The following PLEKHM3 variants were observed in gnomAD, a reference collection of about 807,000 sequenced individuals.
PLEKHM3 encodes pleckstrin homology domain-containing family M member 3.
PLEKHM3 carries 45 observed loss-of-function variants against 81.8 expected under a neutral mutation model. The observed-to-expected ratio is 0.55, with a 90% CI of 0.43 to 0.71. PLEKHM3 has a LOEUF of 0.71. PLEKHM3 is among the 30% of genes least tolerant of loss of function. PLEKHM3 has a pLI of 0.00. For missense variants in PLEKHM3, 788 were observed against 924.3 expected (o/e 0.85, Z 1.91); for synonymous variants, 352 against 356.4 (o/e 0.99, Z 0.14).
chr2:208,001,400 G>T lies in PLEKHM3; in HGVS notation c.240C>A (p.Leu80=), dbSNP rs1559278181. The stretch of plus-strand genomic sequence containing the variant: ...AGACATTTTGAGCTTTGGTTTCTAA[G>T]AGCCTGCTCTTACAGTGGTCCCAAA... ...GMIWDHCKSR[L]LETKAQNVFP... Residue 80 remains leucine, a synonymous_variant, in exon 2 of 8, where the codon CTC becomes CTA. Transcript: ENST00000427836. 2 of 1,614,048 alleles carry T rather than the reference G, an allele frequency of 1.2e-6. No homozygotes were observed.
intron 6 of PLEKHM3, among the ~76,000 whole-genome samples, chr2:207,903,643 G>T (rs2621470): frequency 0.28 from 42,695 of 152,056 alleles, 6,409 homozygotes; most frequent in Middle Eastern, 0.38. Context: ...ACAGTCCAAA[G>T]ACTGACATAT....
At chr2:207,889,100 G>GT (rs1349541976) in intron 6 of PLEKHM3, among the ~76,000 whole-genome samples, 2 of 152,124 alleles carry the variant, frequency 1.3e-5, no homozygotes, top group Non-Finnish European at 2.9e-5. Context: ...ATTTATGAAA[G>GT]TAAAAAGTAT....
intron 7 of PLEKHM3, among the ~76,000 whole-genome samples, chr2:207,852,199 A>T (rs1270964145): frequency 1.3e-5 from 2 of 152,212 alleles, no homozygotes; most frequent in African/African-American, 2.4e-5. Flanking sequence ...GCAGTAAGAT[A>T]TAATGGAAAA....
intron 3 of PLEKHM3, among the ~76,000 whole-genome samples, chr2:207,965,445 T>C (rs915444780): frequency 6.7e-6 from 1 of 149,706 alleles, no homozygotes; most frequent in Admixed American, 6.6e-5. Context: ...GGAAGGTCCA[T>C]CAAAAGATCT....
intron 2 of PLEKHM3, among the ~76,000 whole-genome samples, chr2:207,981,212 T>A (rs1691513450): frequency 6.6e-6 from 1 of 152,130 alleles, no homozygotes; most frequent in African/African-American, 2.4e-5. Flanking sequence ...GGAGTATCCA[T>A]TCCTCTCTGG....
chr2:207,875,082 T>C (rs1348118715), intron 6 of PLEKHM3, among the ~76,000 whole-genome samples: 2 of 151,818 alleles, frequency 1.3e-5, no homozygotes, highest in African/African-American at 2.4e-5. Context: ...TCTAAATATA[T>C]AAAGTAAACA....
intron 5 of PLEKHM3, among the ~76,000 whole-genome samples, chr2:207,910,672 T>C (rs1688782748): frequency 6.6e-6 from 1 of 152,036 alleles, no homozygotes; most frequent in Non-Finnish European, 1.5e-5. Flanking sequence ...ATCATGCATG[T>C]CTCTTCTGGA....
intron 3 of PLEKHM3, among the ~76,000 whole-genome samples, chr2:207,965,866 C>T (rs184557902): frequency 3.3e-5 from 5 of 152,310 alleles, no homozygotes; most frequent in Non-Finnish European, 5.9e-5. Flanking sequence ...AAGTTCTCTT[C>T]CCCAAAGGAA....
intron 3 of PLEKHM3, among the ~76,000 whole-genome samples, chr2:207,960,142 T>C (rs1690679009): frequency 6.6e-6 from 1 of 152,224 alleles, no homozygotes; most frequent in Non-Finnish European, 1.5e-5. Context: ...TAGAGTGATA[T>C]TCCTAGCTTC....
intron 5 of PLEKHM3, chr2:207,929,922 T>C (rs770263153): frequency 2.9e-6 from 2 of 699,614 alleles, no homozygotes; most frequent in South Asian, 1.5e-5. Flanking sequence ...ACATGACTAA[T>C]GCATGCTGCT....
chr2:207,953,986 GAAGT>G (rs1690423473), intron 3 of PLEKHM3, among the ~76,000 whole-genome samples: 1 of 152,246 alleles, frequency 6.6e-6, no homozygotes, highest in East Asian at 1.9e-4. Flanking sequence ...GAATCTCATA[GAAGT>G]AAGTAACTCC....
At chr2:207,858,174 G>GTGTGTGTGTATATATA (rs373920637) in intron 7 of PLEKHM3, among the ~76,000 whole-genome samples, 3 of 123,302 alleles carry the variant, frequency 2.4e-5, no homozygotes, top group African/African-American at 1.1e-4. Flanking sequence ...GTGTGTGTGT[G>GTGTGTGTGTATATATA]TATATATTTT....
At chr2:207,844,297 A>C (rs61159912) in intron 7 of PLEKHM3, among the ~76,000 whole-genome samples, 8,862 of 136,362 alleles carry the variant, frequency 0.065, 551 homozygotes, top group African/African-American at 0.17. Context: ...TCATACATTT[A>C]TTTTTCTTTT....
intron 1 of PLEKHM3, among the ~76,000 whole-genome samples, chr2:208,014,418 C>G (rs1348540720): frequency 1.3e-5 from 2 of 152,158 alleles, no homozygotes; most frequent in East Asian, 1.9e-4. Flanking sequence ...CCGAGGCGGG[C>G]AGATCACCTG....
At chr2:207,993,016 T>C (rs1412009550) in intron 2 of PLEKHM3, among the ~76,000 whole-genome samples, 1 of 152,178 alleles carries the variant, frequency 6.6e-6, no homozygotes, top group African/African-American at 2.4e-5. Context: ...GGAACTATGG[T>C]TCACTTTTGA....
intron 6 of PLEKHM3, among the ~76,000 whole-genome samples, chr2:207,881,709 T>G (rs1207429254): frequency 6.6e-6 from 1 of 152,234 alleles, no homozygotes; most frequent in Admixed American, 6.5e-5. Flanking sequence ...GCGGTATGGT[T>G]GACAGTCAAC....
chr2:207,999,932 G>A (rs1489906601), intron 2 of PLEKHM3, among the ~76,000 whole-genome samples: 1 of 152,200 alleles, frequency 6.6e-6, no homozygotes, highest in African/African-American at 2.4e-5. Context: ...TACCAAAAAT[G>A]TCTCCTAGTT....
intron 4 of PLEKHM3, among the ~76,000 whole-genome samples, chr2:207,944,498 T>C (rs1472091845): frequency 2.0e-5 from 3 of 152,218 alleles, no homozygotes; most frequent in South Asian, 2.1e-4. Flanking sequence ...GGCACGTTTA[T>C]AGGTCAGTTG....
In PLEKHM3 at chr2:207,950,091, G is replaced by T. The variant is rs115478988; in HGVS notation, c.1547-3579C>A. ...CTCCAGGCTCATAAAAGACAGAGAT[G>T]AGAGAACATGGATAGGGTCCATTCA... On this transcript the variant is annotated intron_variant, in intron 3 of 7. Coordinates refer to ENST00000427836, the MANE Select transcript of PLEKHM3 (RefSeq NM_001080475.3). Among the ~76,000 whole-genome samples, 416 of 152,298 alleles carry T rather than the reference G, an allele frequency of 2.7e-3. 6 individuals carry two copies. Among genetic ancestry groups the T allele is most frequent in the African/African-American group, 9.5e-3 (395 of 41,568 alleles).
Sources: allele counts gnomAD v4.1 joint callset (sites outside exome capture counted in the v4.1 genomes callset), GRCh38; gene constraint gnomAD v4.1.1; transcripts MANE v1.5; gene names NCBI Gene and HGNC (gene_info 2026-07-23, HGNC 2026-07-21).